Variants in SULF1 observed in about 807,000 individuals in gnomAD.
SULF1 encodes the protein extracellular sulfatase Sulf-1.
Under a neutral mutation model 110.5 loss-of-function variants are expected in SULF1, and 46 were observed. The observed-to-expected ratio is 0.42, with a 90% confidence interval of 0.33 to 0.53. The LOEUF is 0.53. SULF1 is among the 20% of genes least tolerant of loss of function. The pLI, the probability that SULF1 is intolerant of heterozygous loss-of-function variation, is 0.12. For missense variants in SULF1, 941 were observed against 1,094.2 expected (o/e 0.86, Z 1.98); for synonymous variants, 371 against 387.1 (o/e 0.96, Z 0.49).
At chr8:69,531,257 T>C (rs892021919) in intron 3 of SULF1, among the ~76,000 whole-genome samples, 13 of 152,230 alleles carry the variant, frequency 8.5e-5, no homozygotes, top group Non-Finnish European at 1.9e-4. Context: ...TAAAAACTCT[T>C]TTAGCTTTAT....
At chr8:69,615,197 A>G (rs1179023373) in intron 13 of SULF1, among the ~76,000 whole-genome samples, 1 of 152,232 alleles carries the variant, frequency 6.6e-6, no homozygotes, top group Non-Finnish European at 1.5e-5. Flanking sequence ...CTGCAATGCA[A>G]AAAACATCCC....
chr8:69,569,572 A>G (rs184585884), intron 5 of SULF1, among the ~76,000 whole-genome samples: 1 of 152,290 alleles, frequency 6.6e-6, no homozygotes, highest in African/African-American at 2.4e-5. Flanking sequence ...TGTTTTTCTT[A>G]TAGTCAGGAA....
intron 3 of SULF1, among the ~76,000 whole-genome samples, chr8:69,502,631 C>G (rs968831841): frequency 6.6e-6 from 1 of 151,594 alleles, no homozygotes; most frequent in African/African-American, 2.4e-5. Context: ...TCATTAGTCA[C>G]TCTTCAGAAT....
At chr8:69,536,406 A>G (rs578128415) in intron 3 of SULF1, among the ~76,000 whole-genome samples, 1 of 152,338 alleles carries the variant, frequency 6.6e-6, no homozygotes, top group South Asian at 2.1e-4. Context: ...CATGATCCTG[A>G]GTATCATTAG....
At chr8:69,510,204 C>T (rs193037182) in intron 3 of SULF1, among the ~76,000 whole-genome samples, 5 of 152,226 alleles carry the variant, frequency 3.3e-5, no homozygotes, top group African/African-American at 7.2e-5. Flanking sequence ...CTTTGGGAGG[C>T]GTTCAAGAGT....
At chr8:69,630,542 G>C (rs972288645) in intron 19 of SULF1, among the ~76,000 whole-genome samples, 1 of 152,014 alleles carries the variant, frequency 6.6e-6, no homozygotes, top group Admixed American at 6.6e-5. Context: ...TTGATTTCAG[G>C]GTCCATGTTT....
chr8:69,494,884 GAA>G (rs59596365), intron 1 of SULF1, among the ~76,000 whole-genome samples: 43 of 109,674 alleles, frequency 3.9e-4, no homozygotes, highest in African/African-American at 9.6e-4. Flanking sequence ...TATCTCAAAG[GAA>G]AAAAAAAAAA....
At chr8:69,510,614 T>C (rs1161930565) in intron 3 of SULF1, among the ~76,000 whole-genome samples, 1 of 85,274 alleles carries the variant, frequency 1.2e-5, no homozygotes. Flanking sequence ...TGGTGGGTTT[T>C]TTTTTGTTTT....
intron 13 of SULF1, among the ~76,000 whole-genome samples, chr8:69,607,452 C>T (rs993755229): frequency 1.3e-5 from 2 of 152,168 alleles, no homozygotes; most frequent in African/African-American, 4.8e-5. Flanking sequence ...GCAGCCTCGC[C>T]CTCCTGGGCT....
chr8:69,545,389 G>A (rs1814185845), intron 3 of SULF1, among the ~76,000 whole-genome samples: 1 of 152,100 alleles, frequency 6.6e-6, no homozygotes, highest in Admixed American at 6.5e-5. Flanking sequence ...AGATATAATT[G>A]GGTATTTGAC....
chr8:69,633,313 G>A (rs755701173), intron 19 of SULF1, among the ~76,000 whole-genome samples: 7 of 150,404 alleles, frequency 4.7e-5, no homozygotes, highest in Non-Finnish European at 1.0e-4. Context: ...GGCATGCTGA[G>A]TCAATCAGGA....
intron 13 of SULF1, among the ~76,000 whole-genome samples, chr8:69,609,198 T>G (rs1808453279): frequency 6.6e-6 from 1 of 151,904 alleles, no homozygotes; most frequent in Admixed American, 6.6e-5. Context: ...ACAAACAAAA[T>G]AGCCAGGCGT....
chr8:69,591,278 G>C (rs1490881776), intron 8 of SULF1, among the ~76,000 whole-genome samples: 2 of 152,140 alleles, frequency 1.3e-5, no homozygotes, highest in East Asian at 3.9e-4. Context: ...GTGCTGGCCA[G>C]GCGCGGTGGC....
At chr8:69,571,985 T>C (rs1805266083) in intron 5 of SULF1, among the ~76,000 whole-genome samples, 1 of 152,166 alleles carries the variant, frequency 6.6e-6, no homozygotes, top group South Asian at 2.1e-4. Context: ...AACGCCACCA[T>C]GGCAGTCAGC....
At chr8:69,554,215 TG>T (rs1814924669) in intron 3 of SULF1, among the ~76,000 whole-genome samples, 1 of 152,184 alleles carries the variant, frequency 6.6e-6, no homozygotes, top group Admixed American at 6.5e-5. Context: ...AAATAAATTC[TG>T]GAAGTGGAAC....
chr8:69,641,129 A>C (rs1294414543), intron 22 of SULF1: 1 of 318,740 alleles, frequency 3.1e-6, no homozygotes, highest in Non-Finnish European at 5.7e-6. Flanking sequence ...AAGGAAAAAA[A>C]ACAGAATGGC....
At chr8:69,525,282 C>A (rs76466216) in intron 3 of SULF1, among the ~76,000 whole-genome samples, 4 of 152,024 alleles carry the variant, frequency 2.6e-5, no homozygotes, top group Non-Finnish European at 5.9e-5. Context: ...AGAAATTGCT[C>A]AATGGTACTA....
intron 5 of SULF1, among the ~76,000 whole-genome samples, chr8:69,571,450 C>T (rs1586433890): frequency 6.6e-6 from 1 of 152,156 alleles, no homozygotes; most frequent in Non-Finnish European, 1.5e-5. Context: ...AAATGTTTTC[C>T]CACATGTTCA....
intron 13 of SULF1, among the ~76,000 whole-genome samples, chr8:69,605,589 G>T (rs1808169065): frequency 6.6e-6 from 1 of 152,166 alleles, no homozygotes. Flanking sequence ...AATTAACATT[G>T]CTTTTAAAGA....
Sources: gnomAD v4.1 joint callset for allele counts (sites outside exome capture counted in the v4.1 genomes callset) on GRCh38, gnomAD v4.1.1 for gene constraint, MANE v1.5 for transcripts, NCBI Gene and HGNC (gene_info 2026-07-23, HGNC 2026-07-21) for gene names.